The following ZNRF2 variants were observed in gnomAD, a reference collection of about 807,000 sequenced individuals.
ZNRF2 encodes the protein zinc and ring finger 2, also known as E3 ubiquitin-protein ligase ZNRF2.
ZNRF2 carries 16 observed loss-of-function variants against 20.4 expected under a neutral mutation model. The ratio of observed to expected loss-of-function variants is 0.79; its 90% CI spans 0.53 to 1.19. The LOEUF (loss-of-function observed/expected upper bound fraction) is 1.19. Among genes scored for constraint, ZNRF2 ranks in the 50% most tolerant of loss-of-function variants. ZNRF2 has a pLI of 0.00. For missense variants in ZNRF2, 363 were observed against 332.4 expected, an observed-to-expected ratio of 1.09 and a Z score of -0.72; for synonymous variants, 178 against 144.9, an observed-to-expected ratio of 1.23 and a Z score of -1.64.
chr7:30,352,937 T>TA (rs1336214480), intron 2 of ZNRF2, among the ~76,000 whole-genome samples: 1 of 152,138 alleles, frequency 6.6e-6, no homozygotes. Context: ...GAAATGTAGT[T>TA]ACCTATGTGA....
intron 2 of ZNRF2, among the ~76,000 whole-genome samples, chr7:30,351,483 A>AAAGC (rs1240028752): frequency 6.6e-6 from 1 of 152,080 alleles, no homozygotes; most frequent in Non-Finnish European, 1.5e-5. Context: ...TCCAGAAGAT[A>AAAGC]AAGCGTGTGA....
At chr7:30,287,000 A>G (rs377031094) in intron 1 of ZNRF2, among the ~76,000 whole-genome samples, 15 of 152,282 alleles carry the variant, frequency 9.9e-5, no homozygotes, top group African/African-American at 3.1e-4. Flanking sequence ...AAAAACAGGA[A>G]TGTCATGTTT....
chr7:30,310,145 G>GT (rs1218242983), intron 1 of ZNRF2, among the ~76,000 whole-genome samples: 1 of 152,166 alleles, frequency 6.6e-6, no homozygotes. Flanking sequence ...TACTCAGGAG[G>GT]TAAAATCTAC....
At chr7:30,359,217 G>A (rs1367152488) in intron 3 of ZNRF2, among the ~76,000 whole-genome samples, 3 of 152,094 alleles carry the variant, frequency 2.0e-5, no homozygotes, top group African/African-American at 7.2e-5. Flanking sequence ...TGACTTCTTG[G>A]TAGAGAATTA....
intron 1 of ZNRF2, among the ~76,000 whole-genome samples, chr7:30,312,929 C>CT (rs1799313242): frequency 6.6e-6 from 1 of 152,008 alleles, no homozygotes; most frequent in African/African-American, 2.4e-5. Flanking sequence ...TTGGGAATAG[C>CT]TAAAACATGA....
chr7:30,344,163 C>T (rs1213661009), intron 2 of ZNRF2, among the ~76,000 whole-genome samples: 5 of 151,526 alleles, frequency 3.3e-5, no homozygotes, highest in Admixed American at 6.6e-5. Flanking sequence ...CTCAGGTGAT[C>T]TGCCTGCCTT....
rs1201741572 is a variant in ZNRF2, at chr7:30,285,338, C to T, written c.-20C>T. On this transcript the variant is annotated 5_prime_UTR_variant, in exon 1 of 5. Transcript: ENST00000323037. ...GCTCTCGGGGCGCAGCGCGCGGGCC[C>T]GGCCCGGGGCAGGGCGGACATGGGC... is the stretch of plus-strand genomic sequence containing the variant. 5 of 1,106,084 alleles carry T rather than the reference C, an allele frequency of 4.5e-6. No individual in the cohort carries two copies. Among genetic ancestry groups the T allele is most frequent in the Middle Eastern group, 4.0e-4 (1 of 2,484 alleles). 68.5% of individuals were successfully genotyped at this position (1,106,084 alleles called of 1,614,324 possible).
rs1265046321 is a variant in ZNRF2 at position 30,284,685 on chromosome 7, C to G, written c.-673C>G. ...GGAACCTCCTCCCCATCTGCGCACC[C>G]CCCGCCTTCGCGGCCCAGATCCTCC... On this transcript the variant is annotated 5_prime_UTR_variant, in exon 1 of 5. Coordinates refer to ENST00000323037, the MANE Select transcript of ZNRF2 (RefSeq NM_147128.4). 1 of 161,108 alleles carries G rather than the reference C, an allele frequency of 6.2e-6. No individual in the cohort carries two copies. Among genetic ancestry groups the G allele is most frequent in the Non-Finnish European group, 1.4e-5 (1 of 72,564 alleles). The allele number at this position is 161,108 out of a possible 1,614,324, so 10.0% of individuals were successfully genotyped here.
intron 1 of ZNRF2, among the ~76,000 whole-genome samples, chr7:30,302,083 G>T (rs1336412114): frequency 6.6e-6 from 1 of 152,190 alleles, no homozygotes; most frequent in East Asian, 1.9e-4. Context: ...GGACCAAATT[G>T]TCTGGCATGC....
chr7:30,334,267 T>A (rs556474873), intron 2 of ZNRF2, among the ~76,000 whole-genome samples: 1 of 152,258 alleles, frequency 6.6e-6, no homozygotes, highest in African/African-American at 2.4e-5. Context: ...TCCCTGTTGT[T>A]TATTTTTGTT....
intron 1 of ZNRF2, among the ~76,000 whole-genome samples, chr7:30,302,241 G>A (rs1427462184): frequency 1.3e-5 from 2 of 152,174 alleles, no homozygotes; most frequent in Non-Finnish European, 2.9e-5. Context: ...GTAAACCCAA[G>A]CTGCACATGG....
At chr7:30,357,158 A>G (rs1800053488) in intron 3 of ZNRF2, among the ~76,000 whole-genome samples, 2 of 152,190 alleles carry the variant, frequency 1.3e-5, no homozygotes, top group South Asian at 4.1e-4. Flanking sequence ...GTTTGATCTA[A>G]CTGATGTGTA....
At chr7:30,286,187 C>T (rs984048992) in intron 1 of ZNRF2, among the ~76,000 whole-genome samples, 1 of 152,158 alleles carries the variant, frequency 6.6e-6, no homozygotes, top group African/African-American at 2.4e-5. Context: ...CAGGAGGAGA[C>T]CAGTTGCTAA....
chr7:30,307,344 T>G (rs970527480), intron 1 of ZNRF2, among the ~76,000 whole-genome samples: 4 of 143,508 alleles, frequency 2.8e-5, no homozygotes, highest in African/African-American at 1.0e-4. Context: ...TTTTTTTTTT[T>G]TTTTTTGGCT....
At chr7:30,344,019 A>C (rs908237157) in intron 2 of ZNRF2, among the ~76,000 whole-genome samples, 1 of 149,612 alleles carries the variant, frequency 6.7e-6, no homozygotes, top group Non-Finnish European at 1.5e-5. Flanking sequence ...TCCCAGGTTC[A>C]AGCGATTCCC....
chr7:30,300,438 C>T (rs994044273), intron 1 of ZNRF2, among the ~76,000 whole-genome samples: 3 of 152,178 alleles, frequency 2.0e-5, no homozygotes, highest in Non-Finnish European at 4.4e-5. Flanking sequence ...TGAGCCACCA[C>T]ACCCAGCCAG....
chr7:30,343,335 T>A lies in ZNRF2; in HGVS notation c.566-12393T>A, dbSNP rs149169298. Among the ~76,000 whole-genome samples, 314 of 152,094 alleles carry A rather than the reference T, an allele frequency of 2.1e-3. 2 individuals carry two copies. Among genetic ancestry groups the A allele is most frequent in the African/African-American group, 7.2e-3 (300 of 41,522 alleles). Reference sequence around the variant, plus strand: ...CTCTGAAAAAACAAAAAGACATAGATAAAATTTAATGCTACTGCACTTCAT... The same window carrying A: ...CTCTGAAAAAACAAAAAGACATAGAAAAAATTTAATGCTACTGCACTTCAT... On this transcript the variant is annotated intron_variant, in intron 2 of 4. Coordinates refer to ENST00000323037, the MANE Select transcript of ZNRF2 (RefSeq NM_147128.4).
intron 2 of ZNRF2, among the ~76,000 whole-genome samples, chr7:30,354,989 A>G (rs1224644425): frequency 7.9e-5 from 12 of 152,156 alleles, no homozygotes; most frequent in Admixed American, 7.9e-4. Flanking sequence ...CATTTTTTCA[A>G]AAGGAACATT....
intron 2 of ZNRF2, among the ~76,000 whole-genome samples, chr7:30,339,804 G>A (rs1180670674): frequency 3.9e-5 from 6 of 152,176 alleles, no homozygotes; most frequent in Non-Finnish European, 7.4e-5. Flanking sequence ...TGTGAAGAAA[G>A]TCATTGGTAG....
Sources: gnomAD v4.1 joint callset for allele counts (sites outside exome capture counted in the v4.1 genomes callset) on GRCh38, gnomAD v4.1.1 for gene constraint, MANE v1.5 for transcripts, NCBI Gene and HGNC (gene_info 2026-07-23, HGNC 2026-07-21) for gene names.